Variants in MDGA2 observed in about 807,000 individuals in gnomAD.
MDGA2 encodes MAM domain containing glycosylphosphatidylinositol anchor 2.
In MDGA2, 40 loss-of-function variants were observed where a neutral mutation model predicts 117.8. That is an observed-to-expected ratio of 0.34 (90% CI 0.26 to 0.44). The LOEUF is 0.44. MDGA2 is among the 20% of genes least tolerant of loss of function. The probability of loss-of-function intolerance (pLI) is 1.00; values close to 1 mark genes in which losing one functional copy is unlikely to be tolerated. For synonymous variants in MDGA2, 452 were observed against 439.0 expected, an observed-to-expected ratio of 1.03 and a Z score of -0.37; for missense variants, 1,123 against 1,250.6, an observed-to-expected ratio of 0.90 and a Z score of 1.54.
intron 5 of MDGA2, among the ~76,000 whole-genome samples, chr14:47,110,626 G>A (rs937879686): frequency 3.9e-5 from 6 of 151,912 alleles, no homozygotes; most frequent in African/African-American, 1.5e-4. Context: ...AGAAATTTTG[G>A]CTAACATTTA....
chr14:47,469,934 C>A lies in MDGA2; in HGVS notation c.281-168384G>T, dbSNP rs188175701. 3.3e-5 allele frequency among the ~76,000 whole-genome samples: 5 copies of A among 152,200 alleles called. No homozygotes were observed. The East Asian group carries it at 9.7e-4, about 29-fold the overall frequency. ...AATACAGAAACTGGGTATCTGCTAT[C>A]CCCTTCTCCACATCTCTTCTCTGTA... On this transcript the variant is annotated intron_variant, in intron 1 of 16. Coordinates refer to ENST00000399232, the MANE Select transcript of MDGA2 (RefSeq NM_001113498.3).
intron 5 of MDGA2, among the ~76,000 whole-genome samples, chr14:47,126,611 C>T (rs1881916675): frequency 6.6e-6 from 1 of 152,142 alleles, no homozygotes; most frequent in African/African-American, 2.4e-5. Flanking sequence ...TTTATCATGA[C>T]ACCTAGACAC....
chr14:47,338,942 T>G (rs1335278688), intron 1 of MDGA2, among the ~76,000 whole-genome samples: 1 of 152,120 alleles, frequency 6.6e-6, no homozygotes, highest in Non-Finnish European at 1.5e-5. Flanking sequence ...AAATCCTAAT[T>G]TAATTATCAC....
chr14:46,859,117 T>G (rs1881404171), intron 14 of MDGA2, among the ~76,000 whole-genome samples: 1 of 152,172 alleles, frequency 6.6e-6, no homozygotes, highest in Non-Finnish European at 1.5e-5. Context: ...GCATTTAGTT[T>G]AGGCTGTTTT....
chr14:46,937,138 T>A (rs184224485), intron 9 of MDGA2, among the ~76,000 whole-genome samples: 1 of 152,136 alleles, frequency 6.6e-6, no homozygotes, highest in South Asian at 2.1e-4. Context: ...AGCATTTACA[T>A]ATGCCTGGAG....
In MDGA2 at chr14:46,955,383, C is replaced by CAAA. The variant is rs1281560616; in HGVS notation, c.2089+1990_2089+1991insTTT. ...AGCTCACTTAAACCTCATAAAACTG[C>CAAA]TATGACTTCACCATTAAAATACGAG... On this transcript the variant is annotated intron_variant, in intron 9 of 16. Transcript: ENST00000399232. Among the ~76,000 whole-genome samples, 8 of 152,114 alleles carry CAAA rather than the reference C, an allele frequency of 5.3e-5. No homozygotes were observed. The East Asian group carries it at 1.5e-3, about 29-fold the overall frequency.
intron 1 of MDGA2, among the ~76,000 whole-genome samples, chr14:47,482,323 G>A (rs1212511352): frequency 2.0e-5 from 3 of 151,874 alleles, no homozygotes; most frequent in African/African-American, 2.4e-5. Context: ...TCTGCTACAG[G>A]GCCATTCAAA....
At chr14:46,948,882 T>C (rs917850323) in intron 9 of MDGA2, among the ~76,000 whole-genome samples, 3 of 152,044 alleles carry the variant, frequency 2.0e-5, no homozygotes, top group Admixed American at 6.6e-5. Flanking sequence ...CAAAGCTCAA[T>C]TGTGCATTGA....
At position 47,252,078 on chromosome 14, in the gene MDGA2, T is replaced by C. The variant is rs553173169; in HGVS notation, c.421-33883A>G. Among the ~76,000 whole-genome samples, 34 of 152,184 alleles carry C rather than the reference T, an allele frequency of 2.2e-4. No individual in the cohort carries two copies. The South Asian group carries it at 6.6e-3, about 30-fold the overall frequency. ...CCTCTACTGCCATGATCTGGACAAC[T>C]TCACTTTCAATCCAGATTTGTAAGA... On this transcript the variant is annotated intron_variant, in intron 2 of 16. Transcript: ENST00000399232.
intron 3 of MDGA2, among the ~76,000 whole-genome samples, chr14:47,183,464 T>C (rs1223461226): frequency 6.6e-6 from 1 of 152,140 alleles, no homozygotes; most frequent in Non-Finnish European, 1.5e-5. Flanking sequence ...TCATATGTTT[T>C]AATGAGGTTG....
chr14:47,225,612 T>G, intron 2 of MDGA2, among the ~76,000 whole-genome samples: 1 of 142,540 alleles, frequency 7.0e-6, no homozygotes, highest in African/African-American at 2.7e-5. Context: ...AATTGAACAA[T>G]GAGAACACGT....
At chr14:47,050,045 A>G (rs1889401650) in intron 7 of MDGA2, among the ~76,000 whole-genome samples, 1 of 152,000 alleles carries the variant, frequency 6.6e-6, no homozygotes, top group Non-Finnish European at 1.5e-5. Context: ...TGAGGTTTCT[A>G]AAATGGATTC....
intron 1 of MDGA2, among the ~76,000 whole-genome samples, chr14:47,354,162 C>T (rs7152013): frequency 0.38 from 57,282 of 151,942 alleles, 11,371 homozygotes; most frequent in Admixed American, 0.55. Flanking sequence ...TCCTCACAGG[C>T]CATTTATGAA....
chr14:47,261,724 G>T (rs1321986473), intron 2 of MDGA2, among the ~76,000 whole-genome samples: 1 of 152,006 alleles, frequency 6.6e-6, no homozygotes. Flanking sequence ...TAAGTGTCTG[G>T]GTGCTCACCA....
intron 8 of MDGA2, among the ~76,000 whole-genome samples, chr14:46,996,040 C>A (rs1887278913): frequency 6.6e-6 from 1 of 151,976 alleles, no homozygotes; most frequent in Admixed American, 6.6e-5. Flanking sequence ...AGCCTGTGGT[C>A]ATAAAAGGAG....
chr14:47,639,544 G>A (rs991562474), intron 1 of MDGA2, among the ~76,000 whole-genome samples: 1 of 152,148 alleles, frequency 6.6e-6, no homozygotes, highest in Non-Finnish European at 1.5e-5. Flanking sequence ...AGCACTACAC[G>A]TTGAATCCTG....
chr14:47,583,454 G>T (rs144018133), intron 1 of MDGA2, among the ~76,000 whole-genome samples: 16 of 151,840 alleles, frequency 1.1e-4, no homozygotes, highest in African/African-American at 3.9e-4. Flanking sequence ...GAGACTTTCA[G>T]CTGTCAGACT....
intron 10 of MDGA2, among the ~76,000 whole-genome samples, chr14:46,883,167 A>G (rs912458072): frequency 1.3e-5 from 2 of 152,118 alleles, no homozygotes; most frequent in African/African-American, 4.8e-5. Flanking sequence ...AGAAAAACTT[A>G]TGTATACAAA....
chr14:46,911,357 AG>A (rs1883694674), intron 10 of MDGA2, among the ~76,000 whole-genome samples: 1 of 152,228 alleles, frequency 6.6e-6, no homozygotes, highest in Non-Finnish European at 1.5e-5. Flanking sequence ...TCCATTACTG[AG>A]TAGTTGTACA....
Sources: allele counts gnomAD v4.1 joint callset (sites outside exome capture counted in the v4.1 genomes callset), GRCh38; gene constraint gnomAD v4.1.1; transcripts MANE v1.5; gene names NCBI Gene and HGNC (gene_info 2026-07-23, HGNC 2026-07-21).